The following MACROD2 variants were observed in gnomAD, a reference collection of about 807,000 sequenced individuals.
The protein encoded by MACROD2 is ADP-ribose glycohydrolase MACROD2.
MACROD2 carries 36 observed loss-of-function variants against 70.4 expected under a neutral mutation model. The ratio of observed to expected loss-of-function variants is 0.51; its 90% CI spans 0.39 to 0.68. MACROD2 has a LOEUF of 0.68. Ranked by LOEUF, MACROD2 falls within the 30% of genes least tolerant of loss-of-function variation. The pLI is 0.00. For synonymous variants in MACROD2, 172 were observed against 178.8 expected, an observed-to-expected ratio of 0.96 and a Z score of 0.30; for missense variants, 496 against 538.4, an observed-to-expected ratio of 0.92 and a Z score of 0.78.
chr20:15,159,482 T>C (rs1420809428), intron 5 of MACROD2, among the ~76,000 whole-genome samples: 2 of 152,094 alleles, frequency 1.3e-5, no homozygotes, highest in Admixed American at 1.3e-4. Flanking sequence ...AAATATACTC[T>C]TTGACAGAGG....
intron 8 of MACROD2, among the ~76,000 whole-genome samples, chr20:15,602,706 G>C (rs2048838877): frequency 6.6e-6 from 1 of 152,182 alleles, no homozygotes; most frequent in Non-Finnish European, 1.5e-5. Context: ...GAATGAGTTT[G>C]GTAAGAGAAG....
intron 8 of MACROD2, among the ~76,000 whole-genome samples, chr20:15,584,871 CT>C (rs148865169): frequency 2.8e-4 from 42 of 152,364 alleles, no homozygotes; most frequent in African/African-American, 9.9e-4. Context: ...CATCTCCCCC[CT>C]GACCTGTCCA....
chr20:15,947,471 TC>T (rs2065841290), intron 12 of MACROD2, among the ~76,000 whole-genome samples: 1 of 152,162 alleles, frequency 6.6e-6, no homozygotes, highest in African/African-American at 2.4e-5. Flanking sequence ...ATTCTGCACA[TC>T]CCTAGATCCC....
chr20:14,501,726 G>A lies in MACROD2; in HGVS notation c.301+8218G>A, dbSNP rs938350609. 2.0e-5 allele frequency among the ~76,000 whole-genome samples: 3 copies of A among 152,194 alleles called. No individual in the cohort carries two copies. The South Asian group carries it at 6.2e-4, about 32-fold the overall frequency. On this transcript the variant is annotated intron_variant, in intron 4 of 17. Transcript: ENST00000684519. ...TCATGCTCAAAGATAGGAATTAAAG[G>A]TTGTAAAGAAAAAGAAATAAAAATA...
rs376471982 is a variant in MACROD2, at chr20:15,116,606, A to G, written c.419-113334A>G. ...GTTGCAGTGAGCCAAGATCGTGCCA[A>G]TGCACTCCAGACTGGGCAATAAGAA... On this transcript the variant is annotated intron_variant, in intron 5 of 17. Transcript: ENST00000684519. Among the ~76,000 whole-genome samples the G allele has an allele frequency of 4.6e-5, 7 of 152,262 alleles. No homozygotes were observed. In the South Asian group the frequency reaches 1.2e-3, roughly 27 times the overall value.
chr20:15,161,516 T>C (rs2076348316), intron 5 of MACROD2, among the ~76,000 whole-genome samples: 3 of 151,922 alleles, frequency 2.0e-5, no homozygotes, highest in Admixed American at 2.0e-4. Context: ...ATAATATTTG[T>C]ACATACTGCC....
At chr20:15,854,305 C>T (rs745403509) in intron 8 of MACROD2, among the ~76,000 whole-genome samples, 1 of 152,016 alleles carries the variant, frequency 6.6e-6, no homozygotes, top group African/African-American at 2.4e-5. Context: ...GCGCTCGTGT[C>T]CTGAACTGCT....
intron 3 of MACROD2, among the ~76,000 whole-genome samples, chr20:14,101,255 G>A (rs1463842512): frequency 2.6e-5 from 4 of 151,486 alleles, no homozygotes; most frequent in African/African-American, 9.7e-5. Context: ...GATTTTATTG[G>A]GAATGACCAT....
chr20:15,043,553 T>C (rs2075370956), intron 5 of MACROD2, among the ~76,000 whole-genome samples: 1 of 152,172 alleles, frequency 6.6e-6, no homozygotes, highest in Non-Finnish European at 1.5e-5. Context: ...CTTGGGCCCC[T>C]GTACTCCTGG....
rs554022001 is a variant in MACROD2, at chr20:15,148,987, G to A, written c.419-80953G>A. ...TGGGAAGGCTAAACTGAGGAATTAC[G>A]TCTGACAGAAGGGAAGAAGTGATTG... On this transcript the variant is annotated intron_variant, in intron 5 of 17. Transcript: ENST00000684519. 3.9e-5 allele frequency among the ~76,000 whole-genome samples: 6 copies of A among 152,136 alleles called. 1 individual carries two copies. The highest frequency in any genetic ancestry group is 7.4e-5 in the Non-Finnish European group (5 of 68,022).
intron 3 of MACROD2, among the ~76,000 whole-genome samples, chr20:14,162,862 C>T (rs971613541): frequency 6.6e-6 from 1 of 151,684 alleles, no homozygotes; most frequent in African/African-American, 2.4e-5. Context: ...ATATTTAATC[C>T]ATTTACATTC....
At chr20:14,199,913 TTTAC>T (rs1224877399) in intron 3 of MACROD2, among the ~76,000 whole-genome samples, 1 of 152,170 alleles carries the variant, frequency 6.6e-6, no homozygotes, top group Non-Finnish European at 1.5e-5. Context: ...TTTGTGATGG[TTTAC>T]TTACTTCCTT....
At chr20:15,268,738 A>G (rs972880893) in intron 6 of MACROD2, among the ~76,000 whole-genome samples, 1 of 152,226 alleles carries the variant, frequency 6.6e-6, no homozygotes, top group Non-Finnish European at 1.5e-5. Flanking sequence ...TACAGAGATC[A>G]GACTATGAGA....
At chr20:14,932,815 C>A (rs1022724966) in intron 5 of MACROD2, among the ~76,000 whole-genome samples, 1 of 152,076 alleles carries the variant, frequency 6.6e-6, no homozygotes, top group African/African-American at 2.4e-5. Flanking sequence ...ATCTGCCCGC[C>A]TCGGCCTCCC....
intron 5 of MACROD2, among the ~76,000 whole-genome samples, chr20:14,968,765 G>T (rs1316223882): frequency 6.6e-6 from 1 of 152,134 alleles, no homozygotes; most frequent in Non-Finnish European, 1.5e-5. Flanking sequence ...ATAACCTCTG[G>T]ATTAGATAGC....
At chr20:14,584,697 A>G (rs1255740467) in intron 4 of MACROD2, among the ~76,000 whole-genome samples, 1 of 152,164 alleles carries the variant, frequency 6.6e-6, no homozygotes, top group African/African-American at 2.4e-5. Flanking sequence ...TGAGTGACAA[A>G]TCTTTAAAAA....
At chr20:15,058,363 C>A (rs2075504052) in intron 5 of MACROD2, among the ~76,000 whole-genome samples, 1 of 152,120 alleles carries the variant, frequency 6.6e-6, no homozygotes. Context: ...GGGTTGTGTT[C>A]TATCTTGTCA....
chr20:15,823,778 C>T (rs1390041732), intron 8 of MACROD2, among the ~76,000 whole-genome samples: 3 of 152,114 alleles, frequency 2.0e-5, no homozygotes, highest in Admixed American at 6.5e-5. Flanking sequence ...AAAATGTCCT[C>T]GTGTCAGACG....
intron 3 of MACROD2, among the ~76,000 whole-genome samples, chr20:14,427,159 A>G (rs1293564651): frequency 6.6e-6 from 1 of 151,784 alleles, no homozygotes; most frequent in Non-Finnish European, 1.5e-5. Context: ...AAACGGTGAA[A>G]CTTTTATAAT....
Sources: gnomAD v4.1 joint callset for allele counts (sites outside exome capture counted in the v4.1 genomes callset) on GRCh38, gnomAD v4.1.1 for gene constraint, MANE v1.5 for transcripts, NCBI Gene and HGNC (gene_info 2026-07-23, HGNC 2026-07-21) for gene names.